The following SPDL1 variants were observed in gnomAD, a reference collection of about 807,000 sequenced individuals.
SPDL1 encodes the protein spindle apparatus coiled-coil protein 1, also known as protein Spindly.
SPDL1 carries 85 observed loss-of-function variants against 79.5 expected under a neutral mutation model. That is an observed-to-expected ratio of 1.07 (90% CI 0.90 to 1.28). SPDL1 has a LOEUF of 1.28. Among genes scored for constraint, SPDL1 ranks in the 50% most tolerant of loss-of-function variants. SPDL1 has a pLI of 0.00. For missense variants in SPDL1, 703 were observed against 697.8 expected, an observed-to-expected ratio of 1.01 and a Z score of -0.08; for synonymous variants, 269 against 240.3, an observed-to-expected ratio of 1.12 and a Z score of -1.10.
rs1156755892 is a variant in SPDL1 at position 169,598,456 on chromosome 5, C to A, written c.1033-20C>A. On this transcript the variant is annotated intron_variant, in intron 8 of 11. Transcript: ENST00000265295. ...TATTTGTTATTTATTTTAAGTAATA[C>A]AAACTTTTGCTTTTTTAAGAATTTA... The A allele has an allele frequency of 1.1e-5, 16 of 1,475,946 alleles. No individual in the cohort carries two copies. Among genetic ancestry groups the A allele is most frequent in the Non-Finnish European group, 1.5e-5 (16 of 1,056,716 alleles). The allele number at this position is 1,475,946 out of a possible 1,614,324, so 91.4% of individuals were successfully genotyped here.
At position 169,593,490 on chromosome 5, in the gene SPDL1, G is replaced by A. The variant is rs760979968; in HGVS notation, c.473G>A (p.Ser158Asn). 3.1e-6 allele frequency: 5 copies of A among 1,613,814 alleles called. No individual in the cohort carries two copies. The highest frequency in any genetic ancestry group is 3.4e-6 in the Non-Finnish European group (4 of 1,179,960). Residue 158 changes from serine (S) to asparagine (N), a missense_variant, in exon 4 of 12, where the codon AGC becomes AAC. Ser to Asn is a conservative substitution (Grantham distance 46, BLOSUM62 1). Transcript: ENST00000265295. ...LRVMSERVQE[S>N]MSSEMLALQI... ...GTAATGTCTGAACGTGTGCAGGAAA[G>A]CATGTCTTCAGAGATGCTGGCTCTT...
intron 2 of SPDL1, among the ~76,000 whole-genome samples, chr5:169,589,765 A>G (rs1755179311): frequency 6.7e-6 from 1 of 150,168 alleles, no homozygotes; most frequent in African/African-American, 2.5e-5. Flanking sequence ...GCAGTGGCGC[A>G]ATCTTGGCTC....
chr5:169,594,728 A>AT (rs1471090570), intron 7 of SPDL1, 47 bp downstream of exon 7: 1 of 1,314,418 alleles, frequency 7.6e-7, no homozygotes, highest in African/African-American at 1.5e-5. Flanking sequence ...ATTTTGTGTC[A>AT]GCATTACATG....
chr5:169,601,953 G>C, intron 11 of SPDL1: 1 of 330,230 alleles, frequency 3.0e-6, no homozygotes, highest in Non-Finnish European at 5.7e-6. Flanking sequence ...TTCAAGCATG[G>C]CCATGAAAGA....
intron 2 of SPDL1, chr5:169,590,843 G>T: frequency 1.6e-6 from 1 of 612,708 alleles, no homozygotes; most frequent in Non-Finnish European, 3.0e-6. Context: ...TCCCTTGCAT[G>T]GGTTTAACAT....
intron 9 of SPDL1, among the ~76,000 whole-genome samples, 187 bp from the exon 10 acceptor site, chr5:169,598,785 G>A (rs3815729): frequency 0.49 from 74,929 of 152,020 alleles, 19,981 homozygotes; most frequent in East Asian, 0.69. Flanking sequence ...GAATGCATGA[G>A]TATTTTTTAA....
At chr5:169,587,777 G>A (rs1156463376) in intron 1 of SPDL1, among the ~76,000 whole-genome samples, 1 of 152,048 alleles carries the variant, frequency 6.6e-6, no homozygotes, top group Non-Finnish European at 1.5e-5. Context: ...GTCTTGCTCT[G>A]TCAGTGCCAT....
In SPDL1 at chr5:169,589,835, C is replaced by T. The variant is rs765971612; in HGVS notation, c.160-1213C>T. Reference sequence around the variant, plus strand: ...TCCTACCTCAGCCTTCCGAGTAGCTCGGGGTTACAGATGTGTGCCACCACA... The same window carrying T: ...TCCTACCTCAGCCTTCCGAGTAGCTTGGGGTTACAGATGTGTGCCACCACA... On this transcript the variant is annotated intron_variant, in intron 2 of 11. Coordinates refer to ENST00000265295, the MANE Select transcript of SPDL1 (RefSeq NM_017785.5). Among the ~76,000 whole-genome samples the T allele has an allele frequency of 4.6e-4, 70 of 151,798 alleles. 1 individual carries two copies. Among genetic ancestry groups the T allele is most frequent in the East Asian group, 1.9e-4 (1 of 5,174 alleles).
rs781768588 is a variant in SPDL1 at position 169,604,230 on chromosome 5, C to T, written c.*23C>T. Reference sequence around the variant, plus strand: ...TAAAGACTTGTCTTTAATAAGAGTACGGTGCCACTTGCCTCAAAAGTTACT... The same window carrying T: ...TAAAGACTTGTCTTTAATAAGAGTATGGTGCCACTTGCCTCAAAAGTTACT... On this transcript the variant is annotated 3_prime_UTR_variant, in exon 12 of 12. Transcript: ENST00000265295. 1.6e-5 allele frequency: 24 copies of T among 1,529,306 alleles called. No homozygotes were observed. Among genetic ancestry groups the T allele is most frequent in the African/African-American group, 7.0e-5 (5 of 71,234 alleles). The allele number at this position is 1,529,306 out of a possible 1,614,324, so 94.7% of individuals were successfully genotyped here. A position where few individuals can be genotyped will look rare whatever the true frequency, so the allele number is the denominator to read the frequency against.
Position 169,591,158 on chromosome 5 carries a change from C to T in SPDL1, c.270C>T (p.His90=), listed in dbSNP as rs762018413. 9.9e-6 allele frequency: 16 copies of T among 1,613,910 alleles called. No homozygotes were observed. Among genetic ancestry groups the T allele is most frequent in the Non-Finnish European group, 1.4e-5 (16 of 1,179,964 alleles). ...CEAIKQQQKM[H]LEKLEEQLSR... ...CTATTAAACAACAACAAAAAATGCA[C>T]CTGGAGAAATTGGAAGAACAACTAA... Residue 90 remains histidine (H), a synonymous_variant, in exon 3 of 12, where the codon CAC becomes CAT. Coordinates refer to ENST00000265295, the MANE Select transcript of SPDL1 (RefSeq NM_017785.5).
intron 2 of SPDL1, 35 bp from the exon 3 acceptor site, chr5:169,591,013 T>G (rs1387097220): frequency 2.4e-5 from 37 of 1,553,616 alleles, no homozygotes; most frequent in Non-Finnish European, 3.1e-5. Context: ...TAGGCTATTT[T>G]TATGTAATTG....
chr5:169,601,554 G>A lies in SPDL1; in HGVS notation c.1599G>A (p.Val533=), dbSNP rs1307629066. Residue 533 remains valine, a synonymous_variant, in exon 11 of 12, where the codon GTG becomes GTA. Transcript: ENST00000265295. ...DMQLKKEKKC[V]KLIGVPADAE... The stretch of plus-strand genomic sequence containing the variant: ...AGCTGAAGAAGGAAAAGAAATGTGT[G>A]AAACTCATAGGAGTTCCCGCTGACG... 6.2e-7 allele frequency: 1 copy of A among 1,614,158 alleles called. No individual in the cohort carries two copies.
chr5:169,604,025 A>G (rs1447467803), intron 11 of SPDL1, 35 bp from the exon 12 acceptor site: 4 of 1,583,656 alleles, frequency 2.5e-6, no homozygotes. Context: ...TCATAACCAC[A>G]TTTGAATTCA....
In SPDL1 at chr5:169,588,529, A is replaced by G. The variant is rs749468641; in HGVS notation, c.113A>G (p.Gln38Arg). The change falls in exon 2 of 12, where the codon CAG (glutamine) becomes CGG (arginine). Residue 38 changes from glutamine (Q) to arginine (R), a missense_variant. Coordinates refer to ENST00000265295, the MANE Select transcript of SPDL1 (RefSeq NM_017785.5). The part of the protein sequence containing the change: ...LQLVESQNEL[Q>R]NQLDKCRNEM... Reference sequence around the variant, plus strand: ...CTAGTAGAGAGTCAAAATGAATTACAGAATCAATTGGATAAATGTCGTAAT... The same window carrying G: ...CTAGTAGAGAGTCAAAATGAATTACGGAATCAATTGGATAAATGTCGTAAT... 6.2e-7 allele frequency: 1 copy of G among 1,613,790 alleles called. No individual in the cohort carries two copies. The highest frequency in any genetic ancestry group is 1.7e-5 in the Admixed American group (1 of 59,938).
At chr5:169,588,661 T>C (rs765900157) in intron 2 of SPDL1, 86 bp downstream of exon 2, 1 of 1,250,384 alleles carries the variant, frequency 8.0e-7, no homozygotes, top group Non-Finnish European at 1.1e-6. Context: ...AGTAGTAGTT[T>C]ATTCTTTTCT....
At chr5:169,588,670 C>T in intron 2 of SPDL1, 95 bp downstream of exon 2, 2 of 1,207,542 alleles carry the variant, frequency 1.7e-6, no homozygotes, top group Non-Finnish European at 2.2e-6. Flanking sequence ...TTATTCTTTT[C>T]TGAAGATTTT....
intron 11 of SPDL1, among the ~76,000 whole-genome samples, chr5:169,602,428 T>C (rs1755981067): frequency 6.6e-6 from 1 of 152,212 alleles, no homozygotes; most frequent in Admixed American, 6.5e-5. Flanking sequence ...TTAAAACAAA[T>C]ATCTAGACAT....
intron 1 of SPDL1, 102 bp downstream of exon 1, chr5:169,583,991 C>T (rs929262673): frequency 1.3e-5 from 2 of 152,330 alleles, no homozygotes; most frequent in Non-Finnish European, 2.9e-5. Flanking sequence ...CGGCCGAGGC[C>T]TTTAGCTGAA....
intron 1 of SPDL1, among the ~76,000 whole-genome samples, chr5:169,586,988 TG>T (rs1755016068): frequency 6.6e-6 from 1 of 152,224 alleles, no homozygotes; most frequent in African/African-American, 2.4e-5. Context: ...TTTCACTCCC[TG>T]GGCTTCTTCC....
Sources: gnomAD v4.1 joint callset for allele counts (sites outside exome capture counted in the v4.1 genomes callset) on GRCh38, gnomAD v4.1.1 for gene constraint, MANE v1.5 for transcripts, NCBI Gene and HGNC (gene_info 2026-07-23, HGNC 2026-07-21) for gene names.